Variants in CEP162 observed in about 807,000 individuals in gnomAD.
The protein encoded by CEP162 is centrosomal protein of 162 kDa.
Under a neutral mutation model 169.2 loss-of-function variants are expected in CEP162, and 141 were observed. The ratio of observed to expected loss-of-function variants is 0.83; its 90% confidence interval spans 0.73 to 0.96. The LOEUF is 0.96. Ranked by LOEUF, CEP162 falls within the 40% of genes least tolerant of loss-of-function variation. The pLI is 0.00. For missense variants in CEP162, 1,600 were observed against 1,587.2 expected (o/e 1.01, Z -0.14); for synonymous variants, 540 against 526.4 (o/e 1.03, Z -0.35).
chr6:84,183,960 TACTGCTTTCTA>T (rs1302660105), intron 13 of CEP162, among the ~76,000 whole-genome samples: 1 of 152,146 alleles, frequency 6.6e-6, no homozygotes, highest in Non-Finnish European at 1.5e-5. Flanking sequence ...CATCTAATGA[TACTGCTTTCTA>T]TTTCTCAGAG....
chr6:84,213,463 C>T (rs1036705212), intron 5 of CEP162, among the ~76,000 whole-genome samples: 1 of 152,140 alleles, frequency 6.6e-6, no homozygotes, highest in Non-Finnish European at 1.5e-5. Context: ...GAAACAGAAG[C>T]TGAATAGGAG....
chr6:84,143,799 T>A (rs1655012582), intron 25 of CEP162, among the ~76,000 whole-genome samples: 1 of 152,014 alleles, frequency 6.6e-6, no homozygotes, highest in Non-Finnish European at 1.5e-5. Context: ...GGAGCATCGG[T>A]CTGCTCTTGA....
chr6:84,155,520 C>G lies in CEP162; in HGVS notation c.2782-10G>C, dbSNP rs1375673941. 1.7e-5 allele frequency: 27 copies of G among 1,549,300 alleles called. No homozygotes were observed. Among genetic ancestry groups the G allele is most frequent in the Non-Finnish European group, 2.3e-5 (26 of 1,129,440 alleles). On this transcript the variant is annotated splice_polypyrimidine_tract_variant and intron_variant, in intron 21 of 26. Coordinates refer to ENST00000403245, the MANE Select transcript of CEP162 (RefSeq NM_014895.4). ...CTTCCATTTCCTTAACCTATTAAAACATATTTTCCACCAAAGAACACTTAG... is the reference window on the plus strand; with the variant it reads ...CTTCCATTTCCTTAACCTATTAAAAGATATTTTCCACCAAAGAACACTTAG...
rs149388942 is a variant in CEP162 at position 84,129,376 on chromosome 6, C to A, written c.3871-2864G>T. 7.7e-3 allele frequency among the ~76,000 whole-genome samples: 1,168 copies of A among 152,272 alleles called. 5 individuals carry two copies. The highest frequency in any genetic ancestry group is 0.012 in the Non-Finnish European group (814 of 68,012). ...CTGTTTCCTGACTTTTTAATGATCG[C>A]CATTCTAACTGGCATGAGATGGTAT... On this transcript the variant is annotated intron_variant, in intron 25 of 26. Transcript: ENST00000403245.
chr6:84,185,242 A>G lies in CEP162; in HGVS notation c.1608T>C (p.Ile536=), dbSNP rs1333817054. 1.2e-6 allele frequency: 2 copies of G among 1,613,404 alleles called. No individual in the cohort carries two copies. The highest frequency in any genetic ancestry group is 1.7e-6 in the Non-Finnish European group (2 of 1,179,458). ...STLEKKTSED[I]IKSKNLRSIS... ...TCGATCTCAAGTTTTTGCTTTTTAT[A>G]ATGTCCTCTGAAGTTTTCTTTTCAA... is the stretch of plus-strand genomic sequence containing the variant. The change falls in exon 13 of 27, where the codon ATT becomes ATC. Residue 536 remains isoleucine (I), a synonymous_variant. Coordinates refer to ENST00000403245, the MANE Select transcript of CEP162 (RefSeq NM_014895.4).
intron 11 of CEP162, among the ~76,000 whole-genome samples, chr6:84,191,422 CAAGGT>C (rs1350292392): frequency 6.6e-6 from 1 of 152,162 alleles, no homozygotes; most frequent in Non-Finnish European, 1.5e-5. Flanking sequence ...CCCCTATTCC[CAAGGT>C]AGGGGGCCTT....
chr6:84,130,706 C>A (rs889790213), intron 25 of CEP162, among the ~76,000 whole-genome samples: 8 of 151,780 alleles, frequency 5.3e-5, no homozygotes, highest in African/African-American at 1.7e-4. Context: ...TGGTGATATC[C>A]CCTTTATCAT....
chr6:84,163,417 C>A, intron 18 of CEP162, 147 bp from the exon 19 acceptor site: 1 of 623,418 alleles, frequency 1.6e-6, no homozygotes, highest in South Asian at 2.1e-5. Context: ...CCTGCCCCAC[C>A]CCAGAATTTT....
chr6:84,142,624 G>T (rs1178675227), intron 25 of CEP162, among the ~76,000 whole-genome samples: 3 of 152,082 alleles, frequency 2.0e-5, no homozygotes, highest in African/African-American at 4.8e-5. Context: ...TAACATTACT[G>T]ATTTAATAAA....
intron 5 of CEP162, among the ~76,000 whole-genome samples, chr6:84,213,573 T>C (rs188030620): frequency 2.6e-5 from 4 of 152,308 alleles, no homozygotes; most frequent in African/African-American, 9.6e-5. Context: ...AAACCAAGAA[T>C]CAGTTCTACC....
chr6:84,187,739 CT>C (rs1681909935), intron 11 of CEP162, among the ~76,000 whole-genome samples: 1 of 152,142 alleles, frequency 6.6e-6, no homozygotes, highest in African/African-American at 2.4e-5. Flanking sequence ...CATTGCTAAA[CT>C]GTCATCTACA....
chr6:84,199,623 G>A (rs1404834357), intron 9 of CEP162, among the ~76,000 whole-genome samples: 2 of 149,878 alleles, frequency 1.3e-5, no homozygotes, highest in Non-Finnish European at 3.0e-5. Flanking sequence ...GTTGGTTAGC[G>A]ATTTCTATTA....
At chr6:84,222,129 T>G (rs2099553957) in intron 2 of CEP162, among the ~76,000 whole-genome samples, 1 of 152,064 alleles carries the variant, frequency 6.6e-6, no homozygotes, top group African/African-American at 2.4e-5. Flanking sequence ...TTCCTTGATA[T>G]ACCAACTCCT....
intron 6 of CEP162, among the ~76,000 whole-genome samples, chr6:84,205,705 G>A (rs975066079): frequency 6.6e-6 from 1 of 151,970 alleles, no homozygotes; most frequent in African/African-American, 2.4e-5. Flanking sequence ...ACATAGTGTT[G>A]GAAGTTCTGG....
Position 84,126,506 on chromosome 6 carries a change from T to C in CEP162, c.3877A>G (p.Lys1293Glu). The C allele has an allele frequency of 1.3e-6, 2 of 1,530,032 alleles. No homozygotes were observed. The highest frequency in any genetic ancestry group is 1.8e-6 in the Non-Finnish European group (2 of 1,136,658). The allele number at this position is 1,530,032 out of a possible 1,614,324, so 94.8% of individuals were successfully genotyped here. Residue 1293 changes from lysine (K) to glutamate (E), a missense_variant, in exon 26 of 27, where the codon AAA becomes GAA. Transcript: ENST00000403245. ...REEILQKEITKLLEELREAKE... is the reference protein window; with the variant it reads ...REEILQKEITELLEELREAKE... ...GCTTCTCTCAATTCTTCTAAGAGTT[T>C]TGTAATCTAAAATTGACATATGAAG...
chr6:84,190,410 G>A (rs993948236), intron 11 of CEP162, among the ~76,000 whole-genome samples: 10 of 152,056 alleles, frequency 6.6e-5, no homozygotes, highest in Non-Finnish European at 1.0e-4. Context: ...CAACCTGCTC[G>A]GGTCCCCTTC....
intron 25 of CEP162, among the ~76,000 whole-genome samples, chr6:84,134,200 C>T (rs1356018174): frequency 1.3e-5 from 2 of 152,172 alleles, no homozygotes; most frequent in Admixed American, 6.5e-5. Flanking sequence ...TGGTGGATGC[C>T]ACTCCCCCCA....
At chr6:84,135,811 C>T (rs1239050528) in intron 25 of CEP162, among the ~76,000 whole-genome samples, 7 of 152,016 alleles carry the variant, frequency 4.6e-5, no homozygotes, top group Admixed American at 6.6e-5. Context: ...TGCTGTGAGC[C>T]GAGATTGTGC....
intron 13 of CEP162, among the ~76,000 whole-genome samples, chr6:84,178,386 T>C (rs768751625): frequency 2.6e-5 from 4 of 152,190 alleles, no homozygotes; most frequent in Non-Finnish European, 4.4e-5. Context: ...TGAAACAAGA[T>C]TGAATAGGAG....
Sources: allele counts gnomAD v4.1 joint callset (sites outside exome capture counted in the v4.1 genomes callset), GRCh38; gene constraint gnomAD v4.1.1; transcripts MANE v1.5; gene names NCBI Gene and HGNC (gene_info 2026-07-23, HGNC 2026-07-21).